SYNE2: variants seen among roughly 807,000 people sequenced by gnomAD.
The protein encoded by SYNE2 is nesprin-2.
SYNE2 carries 431 observed loss-of-function variants against 856.3 expected under a neutral mutation model. The ratio of observed to expected loss-of-function variants is 0.50; its 90% CI spans 0.47 to 0.55. The LOEUF is 0.55. Ranked by LOEUF, SYNE2 falls within the 20% of genes least tolerant of loss-of-function variation. The pLI is 0.00. For missense variants in SYNE2, 8,129 were observed against 8,023.2 expected, an observed-to-expected ratio of 1.01 and a Z score of -0.50; for synonymous variants, 2,923 against 2,872.3, an observed-to-expected ratio of 1.02 and a Z score of -0.56.
At chr14:63,944,348 A>G (rs559339270) in intron 6 of SYNE2, among the ~76,000 whole-genome samples, 2 of 149,294 alleles carry the variant, frequency 1.3e-5, no homozygotes, top group African/African-American at 4.9e-5. Flanking sequence ...GTAAAGTACT[A>G]TATTTCACTA....
chr14:64,214,078 AGAAATACTATTGGCAGTT>A, intron 105 of SYNE2, 98 bp from the exon 106 acceptor site: 1 of 1,497,200 alleles, frequency 6.7e-7, no homozygotes, highest in Non-Finnish European at 9.1e-7. Context: ...AAGCTGCCTT[AGAAATACTATTGGCAGTT>A]ATTTTTGGAA....
At chr14:64,172,066 G>A (rs1179221126) in intron 94 of SYNE2, among the ~76,000 whole-genome samples, 1 of 152,100 alleles carries the variant, frequency 6.6e-6, no homozygotes, top group African/African-American at 2.4e-5. Context: ...GGCCAGGCTG[G>A]TCTCGAACTC....
At position 64,107,492 on chromosome 14, in the gene SYNE2, A is replaced by G. The variant is rs774003222; in HGVS notation, c.12494A>G (p.Glu4165Gly). 5 of 1,613,380 alleles carry G rather than the reference A, an allele frequency of 3.1e-6. No individual in the cohort carries two copies. Among genetic ancestry groups the G allele is most frequent in the South Asian group, 1.1e-5 (1 of 91,072 alleles). ...ASSSSGTIVQ[E>G]AYGKISTSDN... ...GAGCTCTGATTCTTTTCTTTACAGG[A>G]AGCATATGGGAAAATAAGCACCTCT... The change falls in exon 65 of 116, where the codon GAA becomes GGA. Residue 4165 changes from glutamate to glycine, a missense_variant and splice_region_variant. Around this residue, in one of 3 missense-constraint regions of SYNE2, gnomAD observed 5,410 missense variants for 5,284.8 expected, o/e 1.02. Transcript: ENST00000555002.
chr14:63,812,038 G>A (rs1441191687), intron 1 of SYNE2, among the ~76,000 whole-genome samples: 1 of 152,174 alleles, frequency 6.6e-6, no homozygotes, highest in South Asian at 2.1e-4. Context: ...AACAGGGTTT[G>A]AGAGCAGAGA....
intron 84 of SYNE2, among the ~76,000 whole-genome samples, chr14:64,151,707 G>T (rs1368637355): frequency 1.2e-4 from 19 of 152,186 alleles, no homozygotes; most frequent in Non-Finnish European, 1.5e-5. Context: ...GTATGCAGAA[G>T]CGCGTCCCAA....
chr14:64,175,304 A>G (rs185491117), intron 95 of SYNE2, among the ~76,000 whole-genome samples, 166 bp downstream of exon 95: 4 of 152,354 alleles, frequency 2.6e-5, no homozygotes, highest in Admixed American at 2.0e-4. Flanking sequence ...AAATGATGAT[A>G]TAGCATTGCA....
At chr14:63,965,879 C>T (rs940770994) in intron 10 of SYNE2, among the ~76,000 whole-genome samples, 1 of 152,142 alleles carries the variant, frequency 6.6e-6, no homozygotes, top group African/African-American at 2.4e-5. Flanking sequence ...CGACAAAGTG[C>T]TCATCATTTA....
At position 64,051,958 on chromosome 14, in the gene SYNE2, T is replaced by C. The variant is rs930158989; in HGVS notation, c.8045T>C (p.Leu2682Ser). Residue 2682 changes from leucine (L) to serine (S), a missense_variant, in exon 48 of 116, where the codon TTA (leucine) becomes TCA (serine). Leu to Ser is a moderately radical substitution (Grantham distance 145). This residue lies in a region of SYNE2 where 5,410 missense variants were observed against 5,284.8 expected (regional missense o/e 1.02). Coordinates refer to ENST00000555002, the MANE Select transcript of SYNE2 (RefSeq NM_182914.3). The stretch of plus-strand genomic sequence containing the variant: ...GCTACCAAGCATGGATTTTCTGTTT[T>C]AAAGGGGCAAGCTGAACTTCAGATG... Reference protein sequence around the residue: ...LQATKHGFSVLKGQAELQMKR... With the variant: ...LQATKHGFSVSKGQAELQMKR... 1 of 1,613,908 alleles carries C rather than the reference T, an allele frequency of 6.2e-7. No homozygotes were observed. Among genetic ancestry groups the C allele is most frequent in the Non-Finnish European group, 8.5e-7 (1 of 1,180,044 alleles).
At chr14:64,158,912 T>C (rs540578773) in intron 86 of SYNE2, 117 bp downstream of exon 86, 1 of 1,099,580 alleles carries the variant, frequency 9.1e-7, no homozygotes, top group South Asian at 1.3e-5. Context: ...CAAAGCATGT[T>C]AAATAGCAGT....
chr14:64,140,213 C>T (rs2098128807), intron 80 of SYNE2, 140 bp downstream of exon 80: 4 of 783,742 alleles, frequency 5.1e-6, no homozygotes, highest in East Asian at 5.2e-5. Context: ...CTGTGTTCTT[C>T]AAACCTAGAA....
chr14:63,883,248 G>A (rs775568705), intron 1 of SYNE2, among the ~76,000 whole-genome samples: 2 of 152,024 alleles, frequency 1.3e-5, no homozygotes, highest in Non-Finnish European at 2.9e-5. Flanking sequence ...TAGTAGAGAC[G>A]TGGTTTTGCC....
intron 70 of SYNE2, 101 bp from the exon 71 acceptor site, chr14:64,124,977 TG>T: frequency 6.8e-7 from 1 of 1,471,176 alleles, no homozygotes; most frequent in Non-Finnish European, 9.3e-7. Flanking sequence ...CACTCCAGCC[TG>T]GGCGACAGAG....
At chr14:63,975,804 C>T (rs1446070448) in intron 11 of SYNE2, among the ~76,000 whole-genome samples, 3 of 152,298 alleles carry the variant, frequency 2.0e-5, no homozygotes, top group Middle Eastern at 3.4e-3. Flanking sequence ...CTTCTCCACA[C>T]CAGAAGCTTT....
In SYNE2 at chr14:64,025,207, T is replaced by A; in HGVS notation, c.6038T>A (p.Met2013Lys). ...TTTACTGAAGAAGAAGAAATAATAA[T>A]GGAAGCAACATGTTTGATGGATAGA... is the stretch of plus-strand genomic sequence containing the variant. ...YGFTEEEEII[M>K]EATCLMDRYQ... Residue 2013 changes from methionine (M) to lysine (K), a missense_variant, in exon 41 of 116, where the codon ATG (methionine) becomes AAG (lysine). Physicochemically the swap from Met to Lys is moderately conservative, Grantham distance 95. This residue lies in a region of SYNE2 where 2,422 missense variants were observed against 2,357.4 expected (regional missense o/e 1.03). Transcript: ENST00000555002. 6.2e-7 allele frequency: 1 copy of A among 1,614,102 alleles called. No homozygotes were observed. Among genetic ancestry groups the A allele is most frequent in the Non-Finnish European group, 8.5e-7 (1 of 1,179,980 alleles).
intron 1 of SYNE2, among the ~76,000 whole-genome samples, chr14:63,887,318 A>G (rs1267921362): frequency 6.6e-6 from 1 of 152,194 alleles, no homozygotes; most frequent in African/African-American, 2.4e-5. Context: ...CCCTAAATGT[A>G]TGGAAATAAT....
At position 63,997,077 on chromosome 14, in the gene SYNE2, A is replaced by G. The variant is rs756022839; in HGVS notation, c.3071A>G (p.Gln1024Arg). ...EVKRLLKDYE[Q>R]KIERLLKCAS... ...AAGAGACTACTCAAAGATTATGAACAAAAGATAGAAAGACTTCTGAAATGT... is the reference window on the plus strand; with the variant it reads ...AAGAGACTACTCAAAGATTATGAACGAAAGATAGAAAGACTTCTGAAATGT... The change falls in exon 24 of 116, where the codon CAA becomes CGA. Residue 1024 changes from glutamine (Q) to arginine (R), a missense_variant. By Grantham distance (43) the Gln-to-Arg change is conservative. Coordinates refer to ENST00000555002, the MANE Select transcript of SYNE2 (RefSeq NM_182914.3). The G allele has an allele frequency of 1.2e-6, 2 of 1,614,014 alleles. No individual in the cohort carries two copies. Among genetic ancestry groups the G allele is most frequent in the Non-Finnish European group, 1.7e-6 (2 of 1,180,012 alleles).
intron 99 of SYNE2, among the ~76,000 whole-genome samples, chr14:64,192,212 G>A (rs1252838592): frequency 6.6e-6 from 1 of 151,972 alleles, no homozygotes; most frequent in Admixed American, 6.6e-5. Context: ...ATGAGTAAAT[G>A]TTTCAGTGCA....
In SYNE2 at chr14:64,208,281, C is replaced by T. The variant is rs981966202; in HGVS notation, c.18202-477C>T. 9.9e-6 allele frequency: 4 copies of T among 403,042 alleles called. No individual in the cohort carries two copies. The Admixed American group carries it at 1.3e-4, about 13-fold the overall frequency. 25.0% of individuals were successfully genotyped at this position (403,042 alleles called of 1,614,324 possible). On this transcript the variant is annotated intron_variant, in intron 100 of 115. Coordinates refer to ENST00000555002, the MANE Select transcript of SYNE2 (RefSeq NM_182914.3). ...GTGGGCATCCACACTGCTGCATGCA[C>T]AATTTGGTGTGTGTTTGAAGAGTTC...
At chr14:64,047,400 G>A (rs1279591184) in intron 45 of SYNE2, among the ~76,000 whole-genome samples, 7 of 152,202 alleles carry the variant, frequency 4.6e-5, no homozygotes, top group African/African-American at 1.7e-4. Context: ...ATGTAAAATA[G>A]GGGAAGGGTG....
Sources: gnomAD v4.1 joint callset for allele counts (sites outside exome capture counted in the v4.1 genomes callset) on GRCh38, gnomAD v4.1.1 for gene constraint, gnomAD v4.1.1 regional missense constraint, MANE v1.5 for transcripts, NCBI Gene and HGNC (gene_info 2026-07-23, HGNC 2026-07-21) for gene names.